Variants in PPM1L observed in about 807,000 individuals in gnomAD.
The protein encoded by PPM1L is protein phosphatase 1L.
PPM1L carries 13 observed loss-of-function variants against 31.4 expected under a neutral mutation model. The observed-to-expected ratio is 0.41, with a 90% CI of 0.27 to 0.66. The LOEUF is 0.66. Among genes scored for constraint, PPM1L ranks in the 30% least tolerant of loss-of-function variants. The pLI is 0.29. For synonymous variants in PPM1L, 184 were observed against 175.4 expected (o/e 1.05, Z -0.39); for missense variants, 326 against 453.7 (o/e 0.72, Z 2.56).
intron 2 of PPM1L, among the ~76,000 whole-genome samples, chr3:161,027,184 G>T (rs1295069958): frequency 2.6e-5 from 4 of 152,200 alleles, no homozygotes; most frequent in Non-Finnish European, 5.9e-5. Context: ...GCAATTTTAT[G>T]TAAAGATTGG....
chr3:160,888,974 A>T (rs1713032748), intron 1 of PPM1L, among the ~76,000 whole-genome samples: 1 of 152,252 alleles, frequency 6.6e-6, no homozygotes, highest in African/African-American at 2.4e-5. Context: ...GAGACAATGT[A>T]CCAAAATCTC....
At chr3:161,032,172 T>C (rs951220631) in intron 2 of PPM1L, among the ~76,000 whole-genome samples, 1 of 152,208 alleles carries the variant, frequency 6.6e-6, no homozygotes. Flanking sequence ...GGAGCCACTT[T>C]ATTTTCCTGT....
In PPM1L at chr3:161,071,534, A is replaced by C. The variant is rs1432801459; in HGVS notation, c.*2377A>C. ...CTTCTAAATTTTGCTTTGTACAATT[A>C]ATTCATTTCTGATGTTAACCAAATA... is the stretch of plus-strand genomic sequence containing the variant. On this transcript the variant is annotated 3_prime_UTR_variant, in exon 4 of 4. Coordinates refer to ENST00000498165, the MANE Select transcript of PPM1L (RefSeq NM_139245.4). 6.6e-6 allele frequency: 1 copy of C among 152,200 alleles called. No homozygotes were observed. Among genetic ancestry groups the C allele is most frequent in the Non-Finnish European group, 1.5e-5 (1 of 68,052 alleles). The allele number at this position is 152,200 out of a possible 1,614,324, so 9.4% of individuals were successfully genotyped here.
chr3:160,800,333 G>A (rs191900828), intron 1 of PPM1L, among the ~76,000 whole-genome samples: 81 of 152,202 alleles, frequency 5.3e-4, no homozygotes, highest in Non-Finnish European at 8.5e-4. Context: ...AACAGGGAGA[G>A]ACCTATGTTC....
At chr3:160,978,104 T>C (rs1168620094) in intron 2 of PPM1L, among the ~76,000 whole-genome samples, 3 of 152,320 alleles carry the variant, frequency 2.0e-5, no homozygotes, top group East Asian at 1.9e-4. Context: ...AGGACACTTA[T>C]GGAGTTGGGC....
chr3:160,876,764 A>G lies in PPM1L; in HGVS notation c.400-84972A>G, dbSNP rs551860347. 2.6e-5 allele frequency among the ~76,000 whole-genome samples: 4 copies of G among 152,346 alleles called. No individual in the cohort carries two copies. In the East Asian group the frequency reaches 7.7e-4, roughly 29 times the overall value. On this transcript the variant is annotated intron_variant, in intron 1 of 3. Coordinates refer to ENST00000498165, the MANE Select transcript of PPM1L (RefSeq NM_139245.4). Reference sequence around the variant, plus strand: ...ACTACAATGCTACAATGGCTGGAGCACCATATTGTGGGTGGCCACGTGGGG... The same window carrying G: ...ACTACAATGCTACAATGGCTGGAGCGCCATATTGTGGGTGGCCACGTGGGG...
intron 1 of PPM1L, among the ~76,000 whole-genome samples, chr3:160,919,395 A>G (rs1375724993): frequency 2.6e-5 from 4 of 152,132 alleles, no homozygotes; most frequent in African/African-American, 9.7e-5. Flanking sequence ...CATTTTGACA[A>G]TGTTGTCTTA....
intron 1 of PPM1L, among the ~76,000 whole-genome samples, chr3:160,918,624 A>G (rs1391334198): frequency 6.6e-6 from 1 of 152,232 alleles, no homozygotes; most frequent in Non-Finnish European, 1.5e-5. Context: ...TTGATATAAA[A>G]ATATCCTCCA....
rs950270865 is a variant in PPM1L at position 160,950,695 on chromosome 3, C to T, written c.400-11041C>T. 5.3e-5 allele frequency among the ~76,000 whole-genome samples: 8 copies of T among 152,282 alleles called. No individual in the cohort carries two copies. The South Asian group carries it at 8.3e-4, about 16-fold the overall frequency. On this transcript the variant is annotated intron_variant, in intron 1 of 3. Coordinates refer to ENST00000498165, the MANE Select transcript of PPM1L (RefSeq NM_139245.4). Reference sequence around the variant, plus strand: ...CTACTCCTATATAAATAGTGGTTGCCGGCCAAAGAACAGTTTTATCTGACC... The same window carrying T: ...CTACTCCTATATAAATAGTGGTTGCTGGCCAAAGAACAGTTTTATCTGACC...
At chr3:160,828,885 A>G (rs1197765088) in intron 1 of PPM1L, among the ~76,000 whole-genome samples, 1 of 152,146 alleles carries the variant, frequency 6.6e-6, no homozygotes, top group East Asian at 1.9e-4. Context: ...AGTAGCAAAT[A>G]TCCAAATATT....
intron 2 of PPM1L, among the ~76,000 whole-genome samples, chr3:160,992,730 TC>T (rs777187334): frequency 9.2e-5 from 14 of 152,198 alleles, no homozygotes; most frequent in Non-Finnish European, 1.6e-4. Flanking sequence ...ACCCTCTCTT[TC>T]CTGGTATCTG....
At chr3:160,771,190 C>T (rs1715245993) in intron 1 of PPM1L, among the ~76,000 whole-genome samples, 1 of 152,042 alleles carries the variant, frequency 6.6e-6, no homozygotes, top group Non-Finnish European at 1.5e-5. Context: ...TTTCACTACA[C>T]CTTCTATAAA....
chr3:160,975,467 A>G (rs1716534517), intron 2 of PPM1L, among the ~76,000 whole-genome samples: 1 of 152,072 alleles, frequency 6.6e-6, no homozygotes, highest in Non-Finnish European at 1.5e-5. Context: ...CTTGGGCAGT[A>G]TGGCCATTTT....
At chr3:161,046,290 A>G (rs1719066527) in intron 2 of PPM1L, among the ~76,000 whole-genome samples, 1 of 152,114 alleles carries the variant, frequency 6.6e-6, no homozygotes, top group African/African-American at 2.4e-5. Flanking sequence ...ACAAACTACC[A>G]TCAGAGAATA....
chr3:160,906,761 G>A (rs1030574379), intron 1 of PPM1L, among the ~76,000 whole-genome samples: 3 of 152,210 alleles, frequency 2.0e-5, no homozygotes, highest in African/African-American at 7.2e-5. Context: ...GCTCACTCAT[G>A]TGGTTGTTGG....
chr3:161,017,331 A>C (rs1440842235), intron 2 of PPM1L, among the ~76,000 whole-genome samples: 2 of 152,240 alleles, frequency 1.3e-5, no homozygotes, highest in Non-Finnish European at 2.9e-5. Context: ...GAGGGAGATT[A>C]GATATAGAGA....
At chr3:160,757,382 C>T (rs1433650240) in intron 1 of PPM1L, among the ~76,000 whole-genome samples, 2 of 152,252 alleles carry the variant, frequency 1.3e-5, no homozygotes, top group African/African-American at 2.4e-5. Flanking sequence ...TGGCTATGCC[C>T]GCAAAGGAGG....
intron 2 of PPM1L, among the ~76,000 whole-genome samples, chr3:161,039,616 G>A (rs1340501509): frequency 9.2e-5 from 14 of 152,128 alleles, no homozygotes; most frequent in Middle Eastern, 3.4e-3. Context: ...TCTGCCTCCC[G>A]GTTTCATGCC....
chr3:160,919,558 C>T (rs1714314629), intron 1 of PPM1L, among the ~76,000 whole-genome samples: 1 of 152,102 alleles, frequency 6.6e-6, no homozygotes, highest in Non-Finnish European at 1.5e-5. Context: ...GCAAATATTG[C>T]ATTACTTGTT....
Sources: gnomAD v4.1 joint callset for allele counts (sites outside exome capture counted in the v4.1 genomes callset) on GRCh38, gnomAD v4.1.1 for gene constraint, MANE v1.5 for transcripts, NCBI Gene and HGNC (gene_info 2026-07-23, HGNC 2026-07-21) for gene names.